Variants in SAMD5 observed in about 807,000 individuals in gnomAD.
SAMD5 encodes the protein sterile alpha motif domain-containing protein 5.
Under a neutral mutation model 11.3 loss-of-function variants are expected in SAMD5, and 13 were observed. The ratio of observed to expected loss-of-function variants is 1.15; its 90% CI spans 0.75 to 1.83. SAMD5 has a LOEUF of 1.83. Among genes scored for constraint, SAMD5 ranks in the 40% most tolerant of loss-of-function variants. The probability of loss-of-function intolerance (pLI) is 0.00; values close to 1 mark genes in which losing one functional copy is unlikely to be tolerated. For missense variants in SAMD5, 255 were observed against 239.1 expected, an observed-to-expected ratio of 1.07 and a Z score of -0.44; for synonymous variants, 129 against 111.3, an observed-to-expected ratio of 1.16 and a Z score of -1.00.
chr6:147,819,467 A>C, the SAMD5 span, among the ~76,000 whole-genome samples: 1 of 152,188 alleles, frequency 6.6e-6, no homozygotes, highest in South Asian at 2.1e-4. Flanking sequence ...CACAACAAAA[A>C]TCAGATTAAT....
chr6:147,939,303 G>T, the SAMD5 span, among the ~76,000 whole-genome samples: 7 of 152,210 alleles, frequency 4.6e-5, no homozygotes, highest in East Asian at 1.4e-3. Context: ...AGGAATGATT[G>T]ATTAAATCAT....
chr6:147,744,184 T>C, the SAMD5 span, among the ~76,000 whole-genome samples: 1 of 152,252 alleles, frequency 6.6e-6, no homozygotes, highest in Non-Finnish European at 1.5e-5. Flanking sequence ...GCTGTCTGCC[T>C]ATTTACTAGC....
chr6:147,664,002 G>A (rs932553186), intron 1 of SAMD5, among the ~76,000 whole-genome samples: 2 of 150,970 alleles, frequency 1.3e-5, no homozygotes, highest in African/African-American at 4.9e-5. Flanking sequence ...GAGAACAAAC[G>A]TAAGCTTAGA....
chr6:147,883,098 T>C, the SAMD5 span, among the ~76,000 whole-genome samples: 1 of 152,228 alleles, frequency 6.6e-6, no homozygotes. Context: ...ATGTTTTTAC[T>C]TGGATGAGTT....
At chr6:147,634,603 A>T (rs1365262455) in intron 1 of SAMD5, among the ~76,000 whole-genome samples, 1 of 152,184 alleles carries the variant, frequency 6.6e-6, no homozygotes, top group African/African-American at 2.4e-5. Context: ...GATATACCAC[A>T]TTTTAGTTCT....
the SAMD5 span, among the ~76,000 whole-genome samples, chr6:147,754,302 A>G: frequency 6.7e-6 from 1 of 148,646 alleles, no homozygotes; most frequent in Non-Finnish European, 1.5e-5. Flanking sequence ...ATTGATGACT[A>G]ATGATGTTGA....
intron 1 of SAMD5, among the ~76,000 whole-genome samples, chr6:147,647,384 G>C (rs1357675446): frequency 6.6e-6 from 1 of 151,912 alleles, no homozygotes; most frequent in Admixed American, 6.6e-5. Context: ...TGTGCAGTTG[G>C]TGAAACCATT....
the SAMD5 span, among the ~76,000 whole-genome samples, chr6:147,798,403 T>C: frequency 6.7e-6 from 1 of 150,280 alleles, no homozygotes; most frequent in Non-Finnish European, 1.5e-5. Flanking sequence ...AATCCTGAGT[T>C]CTAGTTTGAT....
chr6:147,618,010 C>G (rs1353019974), intron 1 of SAMD5, among the ~76,000 whole-genome samples: 1 of 152,184 alleles, frequency 6.6e-6, no homozygotes, highest in East Asian at 1.9e-4. Flanking sequence ...ATAAGAATGA[C>G]AAAACTTTAT....
the SAMD5 span, among the ~76,000 whole-genome samples, chr6:147,908,527 G>A: frequency 2.0e-5 from 3 of 152,154 alleles, no homozygotes; most frequent in African/African-American, 4.8e-5. Context: ...ATCCTCTTCC[G>A]ATTCATTGTC....
At chr6:147,570,944 G>A (rs188418339), downstream of SAMD5, among the ~76,000 whole-genome samples, 33 of 152,292 alleles carry the variant, frequency 2.2e-4, no homozygotes, top group Admixed American at 2.0e-3. Context: ...TTTGTCTGAT[G>A]TCAAATCCTG....
the SAMD5 span, among the ~76,000 whole-genome samples, chr6:147,935,402 C>T: frequency 2.2e-4 from 33 of 152,122 alleles, no homozygotes; most frequent in Non-Finnish European, 4.1e-4. Flanking sequence ...TTAAAGATGA[C>T]TAATGGGCAA....
In SAMD5 at chr6:147,565,739, C is replaced by T. The variant is rs1475060503; in HGVS notation, c.*1283C>T. ...CCTCCAGTAGCGCTGGGATTACAGG[C>T]GTGAGCCATCACACCCGGCCTGGAT... On this transcript the variant is annotated 3_prime_UTR_variant, in exon 2 of 2. Transcript: ENST00000367474. 10 of 982,864 alleles carry T rather than the reference C, an allele frequency of 1.0e-5. No homozygotes were observed. Among genetic ancestry groups the T allele is most frequent in the Admixed American group, 6.2e-5 (1 of 16,240 alleles). 60.9% of individuals were successfully genotyped at this position (982,864 alleles called of 1,614,324 possible).
the SAMD5 span, among the ~76,000 whole-genome samples, chr6:147,814,665 A>G: frequency 6.6e-6 from 1 of 152,212 alleles, no homozygotes; most frequent in Admixed American, 6.5e-5. Context: ...TAGAATACTT[A>G]AGAGGCACTA....
the SAMD5 span, among the ~76,000 whole-genome samples, chr6:147,768,929 G>A: frequency 6.6e-6 from 1 of 152,142 alleles, no homozygotes; most frequent in Non-Finnish European, 1.5e-5. Context: ...AAGTAGCTGG[G>A]ACTACAGGTG....
chr6:147,906,409 C>G, the SAMD5 span, among the ~76,000 whole-genome samples: 1 of 152,198 alleles, frequency 6.6e-6, no homozygotes, highest in Non-Finnish European at 1.5e-5. Flanking sequence ...TCTGTCATGC[C>G]TTCCTTCTGG....
At chr6:147,594,644 T>TGGAGCA (rs1199941657) in intron 1 of SAMD5, among the ~76,000 whole-genome samples, 1 of 151,732 alleles carries the variant, frequency 6.6e-6, no homozygotes, top group African/African-American at 2.4e-5. Flanking sequence ...GACAGGAGGA[T>TGGAGCA]GGAGCAGGGG....
At chr6:147,838,283 T>A in the SAMD5 span, among the ~76,000 whole-genome samples, 21 of 152,118 alleles carry the variant, frequency 1.4e-4, no homozygotes, top group Admixed American at 1.3e-3. Context: ...CCATAAAATA[T>A]GAAATGATGG....
chr6:147,789,841 G>T, the SAMD5 span, among the ~76,000 whole-genome samples: 1 of 152,192 alleles, frequency 6.6e-6, no homozygotes, highest in African/African-American at 2.4e-5. Context: ...TGGGATTTGT[G>T]TGGTGGTTTT....
Sources: allele counts gnomAD v4.1 joint callset (sites outside exome capture counted in the v4.1 genomes callset), GRCh38; gene constraint gnomAD v4.1.1; transcripts MANE v1.5; gene names NCBI Gene and HGNC (gene_info 2026-07-23, HGNC 2026-07-21).